KCNQ1: variants seen among roughly 807,000 people sequenced by gnomAD.
KCNQ1 encodes potassium voltage-gated channel subfamily Q member 1, also known as potassium voltage-gated channel subfamily KQT member 1.
KCNQ1 carries 49 observed loss-of-function variants against 72.4 expected under a neutral mutation model. The ratio of observed to expected loss-of-function variants is 0.68; its 90% confidence interval spans 0.54 to 0.86. The LOEUF (loss-of-function observed/expected upper bound fraction) is 0.86, where lower values mean the gene tolerates loss of function less well. KCNQ1 is among the 40% of genes least tolerant of loss of function. KCNQ1 has a pLI of 0.00. For missense variants in KCNQ1, 790 were observed against 945.1 expected (o/e 0.84, Z 2.15); for synonymous variants, 450 against 412.6 (o/e 1.09, Z -1.10).
chr11:2,793,843 G>A (rs991345970), intron 15 of KCNQ1, among the ~76,000 whole-genome samples: 3 of 152,206 alleles, frequency 2.0e-5, no homozygotes, highest in African/African-American at 7.2e-5. Flanking sequence ...GGCTGGGCAG[G>A]GGGACGCACA....
At chr11:2,837,609 G>T (rs559091690) in intron 15 of KCNQ1, among the ~76,000 whole-genome samples, 6 of 152,378 alleles carry the variant, frequency 3.9e-5, no homozygotes, top group African/African-American at 1.4e-4. Flanking sequence ...GAACCGGGCA[G>T]ACAGAGGTGG....
chr11:2,608,718 G>A lies in KCNQ1; in HGVS notation c.1393+19864G>A. On this transcript the variant is annotated intron_variant, in intron 10 of 15. Transcript: ENST00000155840. This position sits in a 1 kb window ranked among gnomAD's most constrained non-coding sequence, Gnocchi z 4.6. ...GCCACAAGCAATTCTCGAACTCCTG[G>A]CCACAAGCAATTCTCCTGCCTTGGC... 2.5e-6 allele frequency: 1 copy of A among 393,928 alleles called. No homozygotes were observed. The highest frequency in any genetic ancestry group is 4.4e-6 in the Non-Finnish European group (1 of 226,018). The allele number at this position is 393,928 out of a possible 1,614,324, so 24.4% of individuals were successfully genotyped here. A position where few individuals can be genotyped will look rare whatever the true frequency, so the allele number is the denominator to read the frequency against.
chr11:2,729,439 T>A (rs976193756), intron 11 of KCNQ1, among the ~76,000 whole-genome samples: 3 of 152,232 alleles, frequency 2.0e-5, no homozygotes, highest in African/African-American at 7.2e-5. Context: ...CTGCTCCAGG[T>A]GCCAGGGACA....
At position 2,464,135 on chromosome 11, in the gene KCNQ1, C is replaced by G. The variant is rs971641519; in HGVS notation, c.386+18651C>G. Among the ~76,000 whole-genome samples, 2 of 152,170 alleles carry G rather than the reference C, an allele frequency of 1.3e-5. No individual in the cohort carries two copies. The highest frequency in any genetic ancestry group is 6.5e-5 in the Admixed American group (1 of 15,282). On this transcript the variant is annotated intron_variant, in intron 1 of 15. Transcript: ENST00000155840. This position sits in a 1 kb window ranked among gnomAD's most constrained non-coding sequence, Gnocchi z 5.0. ...GGCCTGACTGGCACAGGGATGTGGACTACGGTGCTTGCCATCAGCAGATAC... is the reference window on the plus strand; with the variant it reads ...GGCCTGACTGGCACAGGGATGTGGAGTACGGTGCTTGCCATCAGCAGATAC...
rs1218300859 is a variant in KCNQ1, at chr11:2,781,851, C to T, written c.1794+3814C>T. ...GGTTTCCATGCCGCAGTTCAGAAAG[C>T]GTTGGGCGGGAAGGGGCCCCCACCA... On this transcript the variant is annotated intron_variant, in intron 15 of 15. Coordinates refer to ENST00000155840, the MANE Select transcript of KCNQ1 (RefSeq NM_000218.3). This position sits in a 1 kb window ranked among gnomAD's most constrained non-coding sequence, Gnocchi z 6.6. 3.3e-5 allele frequency among the ~76,000 whole-genome samples: 5 copies of T among 152,150 alleles called. No individual in the cohort carries two copies. The highest frequency in any genetic ancestry group is 2.0e-4 in the Admixed American group (3 of 15,286).
At chr11:2,519,775 C>G (rs368938494) in intron 1 of KCNQ1, among the ~76,000 whole-genome samples, 166 of 51,680 alleles carry the variant, frequency 3.2e-3, no homozygotes, top group African/African-American at 0.011. Context: ...AGGTGTTGGC[C>G]CCCCCCCACA....
At chr11:2,470,617 C>T (rs1846433160) in intron 1 of KCNQ1, among the ~76,000 whole-genome samples, 2 of 151,694 alleles carry the variant, frequency 1.3e-5, no homozygotes, top group African/African-American at 2.4e-5. Context: ...TGATACGTAT[C>T]CAACCGCACA....
intron 15 of KCNQ1, among the ~76,000 whole-genome samples, chr11:2,780,376 C>T (rs1318506615): frequency 6.6e-6 from 1 of 152,220 alleles, no homozygotes; most frequent in African/African-American, 2.4e-5. Flanking sequence ...CTGCTGACTT[C>T]GGGAAGTAGG....
intron 11 of KCNQ1, chr11:2,666,891 C>CT: frequency 2.5e-6 from 1 of 398,662 alleles, no homozygotes; most frequent in Non-Finnish European, 4.4e-6. Flanking sequence ...ACCATTTTGT[C>CT]TTTCTAGACC....
chr11:2,524,275 C>T (rs1282805368), intron 1 of KCNQ1, among the ~76,000 whole-genome samples: 1 of 152,180 alleles, frequency 6.6e-6, no homozygotes, highest in Admixed American at 6.5e-5. Context: ...CAAGTCGTCT[C>T]ATACCGAGGG....
At chr11:2,554,027 G>A (rs755022250) in intron 2 of KCNQ1, among the ~76,000 whole-genome samples, 2 of 152,182 alleles carry the variant, frequency 1.3e-5, no homozygotes, top group African/African-American at 4.8e-5. Flanking sequence ...GTCATGATGC[G>A]TTTTAAAACA....
At chr11:2,589,939 C>T (rs574038601) in intron 10 of KCNQ1, among the ~76,000 whole-genome samples, 2 of 152,290 alleles carry the variant, frequency 1.3e-5, no homozygotes, top group South Asian at 2.1e-4. Context: ...GGGCTGGAGA[C>T]CTCCTGCCCA....
chr11:2,615,985 G>T, intron 10 of KCNQ1: 1 of 398,096 alleles, frequency 2.5e-6, no homozygotes, highest in Non-Finnish European at 4.4e-6. Flanking sequence ...CGCCATCTGT[G>T]TAGCATTTTC....
intron 15 of KCNQ1, among the ~76,000 whole-genome samples, chr11:2,778,590 C>T (rs1306411033): frequency 1.3e-5 from 2 of 152,160 alleles, no homozygotes; most frequent in Non-Finnish European, 2.9e-5. Flanking sequence ...TCCCTCAGGC[C>T]GGAGCCTCTC....
At position 2,769,316 on chromosome 11, in the gene KCNQ1, A is replaced by G. The variant is rs1846551493; in HGVS notation, c.1590+397A>G. On this transcript the variant is annotated intron_variant, in intron 12 of 15. Transcript: ENST00000155840. This position sits in a 1 kb window ranked among gnomAD's most constrained non-coding sequence, Gnocchi z 4.6. ...CCCTGAGTCACCAAGCTGGGAAGGC[A>G]GGTCCCCCAGACCCCCCAGCCCTGT... Among the ~76,000 whole-genome samples the G allele has an allele frequency of 2.0e-5, 3 of 152,180 alleles. No homozygotes were observed. Among genetic ancestry groups the G allele is most frequent in the African/African-American group, 7.2e-5 (3 of 41,442 alleles).
rs1199326619 is a variant in KCNQ1 at position 2,713,782 on chromosome 11, C to T, written c.1514+51701C>T. On this transcript the variant is annotated intron_variant, in intron 11 of 15. Coordinates refer to ENST00000155840, the MANE Select transcript of KCNQ1 (RefSeq NM_000218.3). The surrounding 1 kb of genome is among the most constrained non-coding windows in gnomAD (Gnocchi z 5.6). ...TAAGATTATCCATTAAATCCATATTCCTCACTGTAGAGTTCATGGATTCAG... is the reference window on the plus strand; with the variant it reads ...TAAGATTATCCATTAAATCCATATTTCTCACTGTAGAGTTCATGGATTCAG... Among the ~76,000 whole-genome samples the T allele has an allele frequency of 6.6e-6, 1 of 152,232 alleles. No individual in the cohort carries two copies. The highest frequency in any genetic ancestry group is 2.4e-5 in the African/African-American group (1 of 41,448).
At position 2,691,823 on chromosome 11, in the gene KCNQ1, G is replaced by C. The variant is rs1850593294; in HGVS notation, c.1514+29742G>C. ...GAATCACAAGCACTGGATCCAATGT[G>C]ACCTCTGCCAGGACCATGACCCCTA... On this transcript the variant is annotated intron_variant, in intron 11 of 15. Transcript: ENST00000155840. The surrounding 1 kb of genome is among the most constrained non-coding windows in gnomAD (Gnocchi z 6.4). The C allele has an allele frequency of 5.0e-6, 2 of 398,516 alleles. No homozygotes were observed. Among genetic ancestry groups the C allele is most frequent in the Non-Finnish European group, 8.8e-6 (2 of 226,132 alleles). The allele number at this position is 398,516 out of a possible 1,614,324, so 24.7% of individuals were successfully genotyped here. A position where few individuals can be genotyped will look rare whatever the true frequency, so the allele number is the denominator to read the frequency against.
At position 2,825,301 on chromosome 11, in the gene KCNQ1, A is replaced by G. The variant is rs533095916; in HGVS notation, c.1795-22466A>G. ...GCCGCCAGGGTGCAGACCCAGACCA[A>G]TGGGAGGCCAAGGGAGGCCCGCAGC... On this transcript the variant is annotated intron_variant, in intron 15 of 15. Transcript: ENST00000155840. 1.4e-3 allele frequency among the ~76,000 whole-genome samples: 216 copies of G among 152,282 alleles called. 1 individual carries two copies. The highest frequency in any genetic ancestry group is 4.9e-3 in the African/African-American group (203 of 41,568).
intron 6 of KCNQ1, among the ~76,000 whole-genome samples, chr11:2,581,297 C>T (rs978244036): frequency 6.6e-6 from 1 of 152,230 alleles, no homozygotes; most frequent in South Asian, 2.1e-4. Flanking sequence ...GCTGAGAGCT[C>T]ACCAGGTGGA....
Sources: allele counts gnomAD v4.1 joint callset (sites outside exome capture counted in the v4.1 genomes callset), GRCh38; gene constraint gnomAD v4.1.1; non-coding constraint Gnocchi (gnomAD v3.1); transcripts MANE v1.5; gene names NCBI Gene and HGNC (gene_info 2026-07-23, HGNC 2026-07-21).